The following CNST variants were observed in gnomAD, a reference collection of about 807,000 sequenced individuals.
CNST encodes the protein consortin, connexin sorting protein.
A neutral mutation model predicts 72.4 loss-of-function variants in CNST; 39 were observed. The ratio of observed to expected loss-of-function variants is 0.54; its 90% CI spans 0.42 to 0.70. The LOEUF (loss-of-function observed/expected upper bound fraction) is 0.70, where lower values mean the gene tolerates loss of function less well. Ranked by LOEUF, CNST falls within the 30% of genes least tolerant of loss-of-function variation. The probability of loss-of-function intolerance (pLI) is 0.00; values close to 1 mark genes in which losing one functional copy is unlikely to be tolerated. For missense variants in CNST, 871 were observed against 868.5 expected (o/e 1.00, Z -0.04); for synonymous variants, 332 against 320.1 (o/e 1.04, Z -0.40).
At chr1:246,651,975 C>A (rs889565085) in intron 9 of CNST, among the ~76,000 whole-genome samples, 1 of 152,130 alleles carries the variant, frequency 6.6e-6, no homozygotes, top group African/African-American at 2.4e-5. Flanking sequence ...TGAAAATACA[C>A]GTAAGGATTT....
intron 6 of CNST, among the ~76,000 whole-genome samples, chr1:246,637,871 A>C (rs886933967): frequency 9.9e-5 from 15 of 152,138 alleles, no homozygotes; most frequent in African/African-American, 3.6e-4. Flanking sequence ...GCTTCTACCC[A>C]CCCAGAGAAA....
chr1:246,636,804 A>G (rs1477935091), intron 6 of CNST, among the ~76,000 whole-genome samples: 4 of 152,286 alleles, frequency 2.6e-5, no homozygotes, highest in East Asian at 3.9e-4. Context: ...AGGTTCCACA[A>G]TAGGATCTTT....
intron 1 of CNST, among the ~76,000 whole-genome samples, chr1:246,585,652 A>C (rs1427891468): frequency 2.2e-5 from 2 of 90,330 alleles, no homozygotes; most frequent in East Asian, 5.2e-4. Flanking sequence ...AAAAAAAAAA[A>C]AAAAAAAAAA....
At chr1:246,654,663 A>G (rs1257794496) in intron 9 of CNST, among the ~76,000 whole-genome samples, 2 of 152,252 alleles carry the variant, frequency 1.3e-5, no homozygotes, top group African/African-American at 4.8e-5. Flanking sequence ...GCTGTTGTAA[A>G]TAACAGCCAC....
chr1:246,642,094 T>G, intron 8 of CNST, 57 bp downstream of exon 8: 3 of 918,402 alleles, frequency 3.3e-6, no homozygotes, highest in Non-Finnish European at 4.9e-6. Flanking sequence ...TCTTCTGATC[T>G]TTTACAAGTG....
chr1:246,636,934 T>C (rs1267544209), intron 6 of CNST, among the ~76,000 whole-genome samples: 1 of 152,106 alleles, frequency 6.6e-6, no homozygotes, highest in Admixed American at 6.5e-5. Context: ...AGGGCTGCTG[T>C]GGGCAGCAGG....
chr1:246,655,674 C>T (rs1666734688), intron 9 of CNST, among the ~76,000 whole-genome samples: 1 of 152,112 alleles, frequency 6.6e-6, no homozygotes, highest in Non-Finnish European at 1.5e-5. Flanking sequence ...CATAAAGCAA[C>T]ATTTTAATAG....
intron 8 of CNST, among the ~76,000 whole-genome samples, chr1:246,646,637 C>T (rs1262019303): frequency 1.3e-5 from 2 of 152,026 alleles, no homozygotes; most frequent in Non-Finnish European, 1.5e-5. Flanking sequence ...TGTGCCACCA[C>T]GCCCAGCTAA....
chr1:246,621,671 AATTC>A (rs745338157), intron 3 of CNST, 37 bp downstream of exon 3: 1 of 1,538,460 alleles, frequency 6.5e-7, no homozygotes, highest in South Asian at 1.1e-5. Flanking sequence ...GCCTCACGAA[AATTC>A]CCCTAGCAGT....
chr1:246,615,707 C>T (rs1474185900), intron 2 of CNST, among the ~76,000 whole-genome samples: 5 of 151,294 alleles, frequency 3.3e-5, no homozygotes, highest in Admixed American at 6.6e-5. Context: ...GGAGAAACCC[C>T]GTCTCTACTA....
At chr1:246,652,879 C>T (rs547633937) in intron 9 of CNST, among the ~76,000 whole-genome samples, 12 of 151,206 alleles carry the variant, frequency 7.9e-5, no homozygotes, top group Admixed American at 7.2e-4. Context: ...TGGCGGGCGC[C>T]TGTAGTCCCA....
At chr1:246,608,473 G>A (rs932531583) in intron 2 of CNST, among the ~76,000 whole-genome samples, 3 of 152,248 alleles carry the variant, frequency 2.0e-5, no homozygotes, top group African/African-American at 7.2e-5. Flanking sequence ...GAGAGGAAAA[G>A]TAGAGAATCC....
intron 9 of CNST, among the ~76,000 whole-genome samples, chr1:246,650,221 C>T (rs1666375094): frequency 2.0e-5 from 3 of 152,260 alleles, no homozygotes; most frequent in African/African-American, 7.2e-5. Flanking sequence ...GTCACTTCTG[C>T]TGGGTAACAG....
At chr1:246,574,602 G>A (rs1048006549) in intron 1 of CNST, among the ~76,000 whole-genome samples, 8 of 151,206 alleles carry the variant, frequency 5.3e-5, no homozygotes, top group African/African-American at 1.9e-4. Flanking sequence ...TTAACTTTTT[G>A]CAGAGATAGG....
chr1:246,612,073 A>C (rs1364834212), intron 2 of CNST, among the ~76,000 whole-genome samples: 2 of 152,246 alleles, frequency 1.3e-5, no homozygotes, highest in African/African-American at 4.8e-5. Context: ...AGAAAGTAGA[A>C]TAGAGGTTTC....
At chr1:246,604,375 T>G (rs960653859) in intron 2 of CNST, among the ~76,000 whole-genome samples, 5 of 152,214 alleles carry the variant, frequency 3.3e-5, no homozygotes, top group African/African-American at 1.2e-4. Flanking sequence ...ATGTAACAAT[T>G]TTCTGTAAAC....
chr1:246,634,431 T>C (rs752851657), intron 5 of CNST, 42 bp from the exon 6 acceptor site: 2 of 1,197,736 alleles, frequency 1.7e-6, no homozygotes, highest in Non-Finnish European at 2.4e-6. Context: ...CTCCTAAATA[T>C]GTTTTATAAG....
At chr1:246,651,338 C>T (rs755663199) in intron 9 of CNST, among the ~76,000 whole-genome samples, 151 of 152,244 alleles carry the variant, frequency 9.9e-4, no homozygotes, top group Admixed American at 2.2e-3. Context: ...CATTTCTCCC[C>T]GCCCAGGTTC....
At chr1:246,649,161 G>GTTTTTTTTTTTTTTT (rs58577110) in intron 9 of CNST, among the ~76,000 whole-genome samples, 3 of 134,378 alleles carry the variant, frequency 2.2e-5, no homozygotes, top group Non-Finnish European at 3.2e-5. Context: ...CTGTTGTTTT[G>GTTTTTTTTTTTTTTT]TTTTTTTTTT....
Sources: allele counts gnomAD v4.1 joint callset (sites outside exome capture counted in the v4.1 genomes callset), GRCh38; gene constraint gnomAD v4.1.1; transcripts MANE v1.5; gene names NCBI Gene and HGNC (gene_info 2026-07-23, HGNC 2026-07-21).